Variants in HPSE2 observed in about 807,000 individuals in gnomAD.
HPSE2 encodes heparanase 2 (inactive).
In HPSE2, 38 loss-of-function variants were observed where a neutral mutation model predicts 60.5. The ratio of observed to expected loss-of-function variants is 0.63; its 90% CI spans 0.48 to 0.82. The LOEUF is 0.82. Among genes scored for constraint, HPSE2 ranks in the 40% least tolerant of loss-of-function variants. The pLI, the probability that HPSE2 is intolerant of heterozygous loss-of-function variation, is 0.00. For missense variants in HPSE2, 713 were observed against 740.4 expected (o/e 0.96, Z 0.43); for synonymous variants, 295 against 293.2 (o/e 1.01, Z -0.06).
chr10:99,107,376 G>T (rs1844290175), intron 3 of HPSE2, among the ~76,000 whole-genome samples: 1 of 151,874 alleles, frequency 6.6e-6, no homozygotes, highest in African/African-American at 2.4e-5. Flanking sequence ...GCAATTTTTT[G>T]AAATTTCTAC....
intron 3 of HPSE2, among the ~76,000 whole-genome samples, chr10:98,936,371 G>A (rs1954790471): frequency 1.4e-5 from 2 of 143,796 alleles, no homozygotes; most frequent in African/African-American, 5.7e-5. Context: ...CTGCAGTTCA[G>A]TGCCTGCCTG....
At chr10:99,303,108 T>C in the HPSE2 span, among the ~76,000 whole-genome samples, 1 of 152,144 alleles carries the variant, frequency 6.6e-6, no homozygotes, top group Non-Finnish European at 1.5e-5. Context: ...GCAGGTTTCC[T>C]TAGCCTTAGG....
chr10:98,487,324 C>G (rs914015326), intron 10 of HPSE2, among the ~76,000 whole-genome samples: 2 of 152,166 alleles, frequency 1.3e-5, no homozygotes, highest in African/African-American at 4.8e-5. Flanking sequence ...TAAGAGACAG[C>G]ACTCTACAAG....
At chr10:99,285,522 GT>G in the HPSE2 span, among the ~76,000 whole-genome samples, 1 of 138,558 alleles carries the variant, frequency 7.2e-6, no homozygotes, top group Non-Finnish European at 1.6e-5. Flanking sequence ...AAGGAGTAGG[GT>G]GGAGGGAGGG....
At chr10:98,682,779 AT>A (rs1327366795) in intron 6 of HPSE2, among the ~76,000 whole-genome samples, 1 of 152,174 alleles carries the variant, frequency 6.6e-6, no homozygotes, top group Admixed American at 6.5e-5. Context: ...AACAAAAGTG[AT>A]TTGGAGTCCT....
intron 3 of HPSE2, among the ~76,000 whole-genome samples, chr10:98,870,370 A>T (rs1386770202): frequency 6.6e-6 from 1 of 152,188 alleles, no homozygotes; most frequent in Non-Finnish European, 1.5e-5. Context: ...GGCTAAAGCC[A>T]CAGTGTCTTC....
chr10:98,956,484 C>T (rs1056067707), intron 3 of HPSE2, among the ~76,000 whole-genome samples: 6 of 152,200 alleles, frequency 3.9e-5, no homozygotes, highest in East Asian at 1.9e-4. Flanking sequence ...GTAGATAGCT[C>T]GGGGCTATTG....
chr10:98,840,295 G>A (rs999053637), intron 3 of HPSE2, among the ~76,000 whole-genome samples: 8 of 152,172 alleles, frequency 5.3e-5, no homozygotes, highest in African/African-American at 1.9e-4. Context: ...AGGGGTAGAT[G>A]GCAGAAGGTC....
chr10:98,663,301 C>A (rs1947273972), intron 6 of HPSE2, among the ~76,000 whole-genome samples: 1 of 151,946 alleles, frequency 6.6e-6, no homozygotes, highest in Non-Finnish European at 1.5e-5. Context: ...AACTTAGATT[C>A]TAGAAGGGAA....
intron 2 of HPSE2, among the ~76,000 whole-genome samples, chr10:99,201,939 C>T (rs1472181925): frequency 6.6e-6 from 1 of 152,162 alleles, no homozygotes; most frequent in Non-Finnish European, 1.5e-5. Context: ...TAGCCCACCA[C>T]AATATCACCA....
Position 98,490,123 on chromosome 10 carries a change from T to C in HPSE2, c.1394A>G (p.Gln465Arg). Residue 465 changes from glutamine to arginine, a missense_variant, in exon 10 of 12, where the codon CAG (glutamine) becomes CGG (arginine). Transcript: ENST00000370552. ...CACTCGGCCAGGCCGTGGCTTCCGC[T>C]GGAGCCCAGCCACATGCACAGCCAA... ...KVLAVHVAGLQRKPRPGRVIR... is the reference protein window; with the variant it reads ...KVLAVHVAGLRRKPRPGRVIR... 6.2e-7 allele frequency: 1 copy of C among 1,614,220 alleles called. No homozygotes were observed. The highest frequency in any genetic ancestry group is 8.5e-7 in the Non-Finnish European group (1 of 1,180,038).
chr10:98,928,988 T>TAAATAAATA (rs1554844603), intron 3 of HPSE2, among the ~76,000 whole-genome samples: 1 of 130,902 alleles, frequency 7.6e-6, no homozygotes, highest in African/African-American at 3.3e-5. Flanking sequence ...TAAAGTATAA[T>TAAATAAATA]AATAAATAAA....
the HPSE2 span, among the ~76,000 whole-genome samples, chr10:99,277,057 G>T: frequency 6.6e-6 from 1 of 152,282 alleles, no homozygotes; most frequent in Non-Finnish European, 1.5e-5. Flanking sequence ...GATAGTGACT[G>T]CCATCTTGTG....
the HPSE2 span, among the ~76,000 whole-genome samples, chr10:99,259,300 C>G: frequency 1.7e-4 from 14 of 83,740 alleles, no homozygotes; most frequent in South Asian, 4.4e-3. Context: ...GAGCAAAACC[C>G]CCCCCACCAA....
At chr10:98,664,373 C>T (rs1947305519) in intron 6 of HPSE2, among the ~76,000 whole-genome samples, 1 of 152,100 alleles carries the variant, frequency 6.6e-6, no homozygotes, top group South Asian at 2.1e-4. Context: ...GGAAGCAGGG[C>T]CTACCTTCTT....
chr10:98,802,487 C>G (rs1950937497), intron 3 of HPSE2, among the ~76,000 whole-genome samples: 1 of 110,874 alleles, frequency 9.0e-6, no homozygotes, highest in Non-Finnish European at 1.7e-5. Context: ...CACCCCACAA[C>G]AGTCCCCAGA....
chr10:98,638,369 C>T (rs1305564497), intron 7 of HPSE2, among the ~76,000 whole-genome samples: 4 of 151,744 alleles, frequency 2.6e-5, no homozygotes, highest in Admixed American at 6.6e-5. Flanking sequence ...GGTGTGAACC[C>T]GGGAGGCGGA....
intron 6 of HPSE2, among the ~76,000 whole-genome samples, chr10:98,643,635 A>C (rs959268935): frequency 3.9e-5 from 6 of 152,342 alleles, no homozygotes; most frequent in African/African-American, 1.4e-4. Flanking sequence ...TAACCTGTTC[A>C]TAGTAGTACT....
At chr10:99,039,127 A>G (rs1957677428) in intron 3 of HPSE2, among the ~76,000 whole-genome samples, 3 of 152,142 alleles carry the variant, frequency 2.0e-5, no homozygotes, top group Admixed American at 1.3e-4. Flanking sequence ...AATCCTGTCT[A>G]ATCCTTAAAG....
Sources: gnomAD v4.1 joint callset for allele counts (sites outside exome capture counted in the v4.1 genomes callset) on GRCh38, gnomAD v4.1.1 for gene constraint, MANE v1.5 for transcripts, NCBI Gene and HGNC (gene_info 2026-07-23, HGNC 2026-07-21) for gene names.